CLEC4E: variants seen among roughly 807,000 people sequenced by gnomAD.
CLEC4E encodes C-type lectin domain family 4 member E.
CLEC4E carries 21 observed loss-of-function variants against 24.7 expected under a neutral mutation model. The ratio of observed to expected loss-of-function variants is 0.85; its 90% CI spans 0.60 to 1.22. The LOEUF is 1.22. Ranked by LOEUF, CLEC4E falls within the 50% of genes most tolerant of loss-of-function variation. The pLI is 0.00. For missense variants in CLEC4E, 249 were observed against 254.1 expected (o/e 0.98, Z 0.14); for synonymous variants, 94 against 85.7 (o/e 1.10, Z -0.54).
At chr12:8,536,252 A>G in intron 4 of CLEC4E, 47 bp from the exon 5 acceptor site, 1 of 1,084,398 alleles carries the variant, frequency 9.2e-7, no homozygotes, top group Non-Finnish European at 1.4e-6. Flanking sequence ...TTAGTTTTGA[A>G]TAAACGTTGC....
At chr12:8,537,793 A>T (rs1003092697) in intron 3 of CLEC4E, among the ~76,000 whole-genome samples, 4 of 152,232 alleles carry the variant, frequency 2.6e-5, no homozygotes, top group African/African-American at 9.6e-5. Flanking sequence ...TAGATCTTAG[A>T]TATGATTATA....
rs1940589927 is a variant in CLEC4E, at chr12:8,534,734, T to G, written c.564A>C (p.Pro188=). Residue 188 remains proline, a synonymous_variant, in exon 6 of 6, where the codon CCA becomes CCC. Transcript: ENST00000299663. ...DCATMRDSSN[P]RQNWNDVTCF... ...AGGTTACATCATTCCAATTTTGCCT[T>G]GGGTTTGAAGAGTCTCTCATGGTGG... The G allele has an allele frequency of 6.2e-7, 1 of 1,614,092 alleles. No individual in the cohort carries two copies. Among genetic ancestry groups the G allele is most frequent in the East Asian group, 2.2e-5 (1 of 44,868 alleles).
At chr12:8,538,922 C>T (rs114495773) in intron 3 of CLEC4E, 216 of 401,488 alleles carry the variant, frequency 5.4e-4, no homozygotes, top group African/African-American at 4.2e-3. Context: ...GTTTTTTCTC[C>T]ATCTCATTTT....
Position 8,537,220 on chromosome 12 carries a change from G to A in CLEC4E, c.267C>T (p.Ser89=). 1 of 1,613,586 alleles carries A rather than the reference G, an allele frequency of 6.2e-7. No individual in the cohort carries two copies. The highest frequency in any genetic ancestry group is 8.5e-7 in the Non-Finnish European group (1 of 1,179,620). Residue 89 remains serine (S), a synonymous_variant, in exon 4 of 6, where the codon TCC becomes TCT. Transcript: ENST00000299663. ...CCPLNWEYFQ[S]SCYFFSTDTI... ...TGTCAGTAGAAAAGAAGTAGCAGCTGGATTGAAAATATTCCCAGTTCAATG... is the reference window on the plus strand; with the variant it reads ...TGTCAGTAGAAAAGAAGTAGCAGCTAGATTGAAAATATTCCCAGTTCAATG...
chr12:8,538,423 G>A (rs754076664), intron 3 of CLEC4E, among the ~76,000 whole-genome samples: 268 of 152,326 alleles, frequency 1.8e-3, no homozygotes, highest in African/African-American at 6.3e-3. Flanking sequence ...AGGCAGGGAA[G>A]GTCCCCCTGT....
At chr12:8,537,747 T>A (rs1373835821) in intron 3 of CLEC4E, among the ~76,000 whole-genome samples, 4 of 152,232 alleles carry the variant, frequency 2.6e-5, no homozygotes, top group Non-Finnish European at 5.9e-5. Flanking sequence ...TGTTCCAGTA[T>A]AATAAAATAT....
At position 8,540,893 on chromosome 12, in the gene CLEC4E, A is replaced by C. The variant is rs974544331; in HGVS notation, c.-96T>G. The C allele has an allele frequency of 2.4e-6, 2 of 828,036 alleles. No individual in the cohort carries two copies. The highest frequency in any genetic ancestry group is 3.4e-5 in the African/African-American group (2 of 59,314). The allele number at this position is 828,036 out of a possible 1,614,324, so 51.3% of individuals were successfully genotyped here. On this transcript the variant is annotated 5_prime_UTR_variant, in exon 1 of 6. Transcript: ENST00000299663. The stretch of plus-strand genomic sequence containing the variant: ...CAGGAGTGTTTTGTTGGTAAGATTC[A>C]GGGAGAATGAATCTTGAAAGATAAA...
intron 3 of CLEC4E, among the ~76,000 whole-genome samples, chr12:8,537,797 G>T (rs1233261197): frequency 6.6e-6 from 1 of 152,172 alleles, no homozygotes; most frequent in Non-Finnish European, 1.5e-5. Flanking sequence ...TCTTAGATAT[G>T]ATTATATATG....
chr12:8,535,893 T>C (rs1457650090), intron 5 of CLEC4E, among the ~76,000 whole-genome samples, 197 bp downstream of exon 5: 3 of 152,222 alleles, frequency 2.0e-5, no homozygotes, highest in Non-Finnish European at 2.9e-5. Flanking sequence ...CTTCAGTTCA[T>C]TTTCATTTAT....
Position 8,537,041 on chromosome 12 carries a change from C to T in CLEC4E, c.372+74G>A, listed in dbSNP as rs769986514. The T allele has an allele frequency of 3.7e-6, 5 of 1,368,248 alleles. No homozygotes were observed. In the African/African-American group the frequency reaches 5.8e-5, roughly 16 times the overall value. The allele number at this position is 1,368,248 out of a possible 1,614,324, so 84.8% of individuals were successfully genotyped here. On this transcript the variant is annotated intron_variant, in intron 4 of 5. Coordinates refer to ENST00000299663, the MANE Select transcript of CLEC4E (RefSeq NM_014358.4). ...TTAACAATAGTCATTGGGGGTCAAG[C>T]ACTGTGCATATGTATGAAAAGAGAG... is the stretch of plus-strand genomic sequence containing the variant.
At chr12:8,536,245 G>C (rs748919643) in intron 4 of CLEC4E, 40 bp from the exon 5 acceptor site, 1 of 1,184,894 alleles carries the variant, frequency 8.4e-7, no homozygotes, top group Admixed American at 1.7e-5. Flanking sequence ...AGTTATTTTA[G>C]TTTTGAATAA....
At position 8,534,184 on chromosome 12, in the gene CLEC4E, G is replaced by C. The variant is rs560059492; in HGVS notation, c.*454C>G. ...TCATTATACAGGGGAGTAAAGAGAC[G>C]ATATATGCTTGGGCAGGAGATAAGA... is the stretch of plus-strand genomic sequence containing the variant. On this transcript the variant is annotated 3_prime_UTR_variant, in exon 6 of 6. Transcript: ENST00000299663. The C allele has an allele frequency of 7.4e-4, 114 of 154,052 alleles. 1 individual carries two copies. In the South Asian group the frequency reaches 9.8e-3, roughly 13 times the overall value. The allele number at this position is 154,052 out of a possible 1,614,324, so 9.5% of individuals were successfully genotyped here. A position where few individuals can be genotyped will look rare whatever the true frequency, so the allele number is the denominator to read the frequency against.
chr12:8,536,826 T>C (rs1475242328), intron 4 of CLEC4E, among the ~76,000 whole-genome samples: 1 of 152,222 alleles, frequency 6.6e-6, no homozygotes, highest in Non-Finnish European at 1.5e-5. Context: ...TCTTCTTTCA[T>C]ATAATATGTT....
chr12:8,537,975 G>C (rs773720418), intron 3 of CLEC4E, among the ~76,000 whole-genome samples: 1 of 152,346 alleles, frequency 6.6e-6, no homozygotes, highest in East Asian at 1.9e-4. Context: ...CGTTATGCCC[G>C]GACAGGGCCA....
chr12:8,540,854 T>C lies in CLEC4E; in HGVS notation c.-57A>G. The C allele has an allele frequency of 9.3e-7, 1 of 1,077,954 alleles. No homozygotes were observed. Among genetic ancestry groups the C allele is most frequent in the Non-Finnish European group, 1.4e-6 (1 of 693,354 alleles). The allele number at this position is 1,077,954 out of a possible 1,614,324, so 66.8% of individuals were successfully genotyped here. On this transcript the variant is annotated 5_prime_UTR_variant, in exon 1 of 6. Transcript: ENST00000299663. The stretch of plus-strand genomic sequence containing the variant: ...CTCTCTCTTTTTCTCTCCCTCCCTC[T>C]CTTTCTTTCTCCTCAGGAGTGTTTT...
chr12:8,539,116 T>C, intron 3 of CLEC4E, 101 bp downstream of exon 3: 1 of 767,018 alleles, frequency 1.3e-6, no homozygotes, highest in Non-Finnish European at 2.2e-6. Context: ...TTTTGAAAAA[T>C]AAGACCTAAT....
intron 2 of CLEC4E, 125 bp downstream of exon 2, chr12:8,539,730 G>T: frequency 1.5e-6 from 1 of 675,720 alleles, no homozygotes; most frequent in East Asian, 2.5e-5. Context: ...AGATTAATAG[G>T]GAAAAAAAAA....
At chr12:8,538,031 C>T (rs1486992360) in intron 3 of CLEC4E, among the ~76,000 whole-genome samples, 4 of 152,184 alleles carry the variant, frequency 2.6e-5, no homozygotes, top group African/African-American at 7.2e-5. Context: ...TCTGGGAAGA[C>T]GCCCGTGGCC....
chr12:8,538,995 A>G (rs1359314966), intron 3 of CLEC4E: 5 of 454,710 alleles, frequency 1.1e-5, no homozygotes, highest in Admixed American at 4.0e-5. Context: ...TTCCAGATTT[A>G]CTGTTCAGAC....
Sources: allele counts gnomAD v4.1 joint callset (sites outside exome capture counted in the v4.1 genomes callset), GRCh38; gene constraint gnomAD v4.1.1; transcripts MANE v1.5; gene names NCBI Gene and HGNC (gene_info 2026-07-23, HGNC 2026-07-21).